The following PDE1C variants were observed in gnomAD, a reference collection of about 807,000 sequenced individuals.
The protein encoded by PDE1C is phosphodiesterase 1C.
A neutral mutation model predicts 93.1 loss-of-function variants in PDE1C; 62 were observed. The ratio of observed to expected loss-of-function variants is 0.67; its 90% confidence interval spans 0.54 to 0.82. The LOEUF is 0.82. PDE1C is among the 40% of genes least tolerant of loss of function. PDE1C has a pLI of 0.00. For synonymous variants in PDE1C, 325 were observed against 310.1 expected, an observed-to-expected ratio of 1.05 and a Z score of -0.50; for missense variants, 742 against 884.6, an observed-to-expected ratio of 0.84 and a Z score of 2.04.
At chr7:32,204,508 C>G (rs1223902876) in intron 2 of PDE1C, among the ~76,000 whole-genome samples, 9 of 152,196 alleles carry the variant, frequency 5.9e-5, no homozygotes, top group Non-Finnish European at 1.3e-4. Context: ...GGACTCCTGA[C>G]AGAAGCTCTG....
chr7:32,193,914 TTG>T (rs57659554), intron 2 of PDE1C, among the ~76,000 whole-genome samples: 7,003 of 121,318 alleles, frequency 0.058, 380 homozygotes, highest in East Asian at 0.31. Context: ...TGGTTTTGTT[TTG>T]TTTTTTTTTT....
rs150132069 is a variant in PDE1C at position 31,877,147 on chromosome 7, A to G, written c.492+823T>C. On this transcript the variant is annotated intron_variant, in intron 5 of 17. Transcript: ENST00000396191. ...TGGCCCAAGTCCATACATAGACAAC[A>G]TGTGATGTCAACAAACTCAGTGATC... Among the ~76,000 whole-genome samples the G allele has an allele frequency of 1.3e-3, 196 of 152,322 alleles. 5 individuals are homozygous for G. Among genetic ancestry groups the G allele is most frequent in the African/African-American group, 4.5e-3 (189 of 41,570 alleles).
At chr7:32,364,169 T>C (rs746376785) in intron 1 of PDE1C, among the ~76,000 whole-genome samples, 9 of 152,222 alleles carry the variant, frequency 5.9e-5, no homozygotes, top group Non-Finnish European at 1.3e-4. Context: ...CCATTGAGGT[T>C]TCCATATCCT....
At chr7:32,019,340 G>C (rs1788345734) in intron 2 of PDE1C, among the ~76,000 whole-genome samples, 2 of 152,038 alleles carry the variant, frequency 1.3e-5, no homozygotes, top group Admixed American at 6.6e-5. Context: ...ATGTGCAAGG[G>C]ACTGGAGGTG....
intron 16 of PDE1C, among the ~76,000 whole-genome samples, chr7:31,782,111 A>T (rs1584049343): frequency 1.3e-5 from 2 of 152,238 alleles, no homozygotes; most frequent in African/African-American, 4.8e-5. Flanking sequence ...ATAAAAGCGT[A>T]TAAGTTAATT....
intron 2 of PDE1C, among the ~76,000 whole-genome samples, chr7:31,958,234 A>G (rs942687988): frequency 6.6e-6 from 1 of 152,200 alleles, no homozygotes; most frequent in Admixed American, 6.5e-5. Context: ...GGGCTCGTCA[A>G]TTGACCCTAA....
intron 2 of PDE1C, among the ~76,000 whole-genome samples, chr7:32,186,135 G>A (rs1279317435): frequency 1.5e-5 from 2 of 136,542 alleles, no homozygotes; most frequent in African/African-American, 2.7e-5. Flanking sequence ...TCGCTCTGTC[G>A]CCCAGGCCCG....
At chr7:31,938,418 T>C (rs6977395) in intron 2 of PDE1C, among the ~76,000 whole-genome samples, 16,166 of 97,088 alleles carry the variant, frequency 0.17, 1,207 homozygotes, top group East Asian at 0.4. Context: ...CCAGATAAGC[T>C]GGAAGGGGTG....
chr7:31,980,948 A>T (rs928059314), intron 2 of PDE1C, among the ~76,000 whole-genome samples: 1 of 152,142 alleles, frequency 6.6e-6, no homozygotes, highest in Non-Finnish European at 1.5e-5. Flanking sequence ...ATCCAGGATG[A>T]CCTTCCTATC....
intron 3 of PDE1C, among the ~76,000 whole-genome samples, chr7:32,165,667 C>A (rs538673777): frequency 3.3e-5 from 5 of 151,668 alleles, no homozygotes; most frequent in Non-Finnish European, 7.4e-5. Flanking sequence ...CCCCAAAAGC[C>A]AGTTACCTCC....
At chr7:31,626,026 A>AT in the PDE1C span, among the ~76,000 whole-genome samples, 11 of 152,170 alleles carry the variant, frequency 7.2e-5, no homozygotes, top group Non-Finnish European at 1.6e-4. Flanking sequence ...TAACTCTATG[A>AT]TTTTTCCAGT....
intron 1 of PDE1C, among the ~76,000 whole-genome samples, chr7:32,403,465 C>G (rs537774568): frequency 6.6e-6 from 1 of 152,112 alleles, no homozygotes; most frequent in Non-Finnish European, 1.5e-5. Context: ...GCAGTGAGAG[C>G]GGGCAGGGTG....
chr7:32,392,517 G>A (rs767713921), intron 1 of PDE1C, among the ~76,000 whole-genome samples: 23 of 152,086 alleles, frequency 1.5e-4, no homozygotes, highest in Non-Finnish European at 3.1e-4. Flanking sequence ...TATCCCTCAT[G>A]AATAGAGACA....
At chr7:32,397,296 G>A (rs59896897) in intron 1 of PDE1C, among the ~76,000 whole-genome samples, 6,263 of 152,042 alleles carry the variant, frequency 0.041, 313 homozygotes, top group African/African-American at 0.12. Context: ...ATAAGTAAAA[G>A]ACATGAACAG....
chr7:31,964,091 G>T (rs1809485994), intron 2 of PDE1C, among the ~76,000 whole-genome samples: 1 of 152,228 alleles, frequency 6.6e-6, no homozygotes, highest in African/African-American at 2.4e-5. Context: ...ATCTCACTGG[G>T]GAGTGCCAGA....
chr7:31,872,150 A>G (rs1037601219), intron 6 of PDE1C, among the ~76,000 whole-genome samples: 1 of 152,170 alleles, frequency 6.6e-6, no homozygotes, highest in Non-Finnish European at 1.5e-5. Flanking sequence ...ACATGTTCTC[A>G]CTCACATGTG....
chr7:32,072,614 A>G (rs151250621), upstream of PDE1C, among the ~76,000 whole-genome samples: 1,703 of 152,344 alleles, frequency 0.011, 36 homozygotes, highest in African/African-American at 0.039. Flanking sequence ...AAGTACAATA[A>G]TGATAATAAC....
At chr7:32,288,082 A>G (rs1812107476) in intron 1 of PDE1C, among the ~76,000 whole-genome samples, 1 of 152,190 alleles carries the variant, frequency 6.6e-6, no homozygotes, top group Non-Finnish European at 1.5e-5. Flanking sequence ...TGAACCCGGA[A>G]GGCAGAGGTT....
At chr7:32,208,573 TGTGA>T (rs995794031) in intron 2 of PDE1C, among the ~76,000 whole-genome samples, 3 of 152,102 alleles carry the variant, frequency 2.0e-5, no homozygotes, top group Admixed American at 2.0e-4. Flanking sequence ...GCCCAGATAG[TGTGA>T]GTGAAATTAC....
Sources: gnomAD v4.1 joint callset for allele counts (sites outside exome capture counted in the v4.1 genomes callset) on GRCh38, gnomAD v4.1.1 for gene constraint, MANE v1.5 for transcripts, NCBI Gene and HGNC (gene_info 2026-07-23, HGNC 2026-07-21) for gene names.